The following PLCD4 variants were observed in gnomAD, a reference collection of about 807,000 sequenced individuals.
PLCD4 encodes phospholipase C delta 4.
A neutral mutation model predicts 90.2 loss-of-function variants in PLCD4; 63 were observed. The ratio of observed to expected loss-of-function variants is 0.70; its 90% CI spans 0.57 to 0.86. The LOEUF (loss-of-function observed/expected upper bound fraction) is 0.86, where lower values mean the gene tolerates loss of function less well. Among genes scored for constraint, PLCD4 ranks in the 40% least tolerant of loss-of-function variants. The pLI, the probability that PLCD4 is intolerant of heterozygous loss-of-function variation, is 0.00. For synonymous variants in PLCD4, 294 were observed against 356.5 expected (o/e 0.82, Z 1.97); for missense variants, 830 against 956.3 (o/e 0.87, Z 1.74).
chr2:218,633,305 A>G, intron 10 of PLCD4: 1 of 693,896 alleles, frequency 1.4e-6, no homozygotes, highest in Non-Finnish European at 2.6e-6. Context: ...AGGATATAAC[A>G]TAGAGCAAAC....
chr2:218,634,693 G>A lies in PLCD4; in HGVS notation c.1896+63G>A. On this transcript the variant is annotated intron_variant, in intron 13 of 15. Transcript: ENST00000450993. This position sits in a 1 kb window ranked among gnomAD's most constrained non-coding sequence, Gnocchi z 4.0. ...AACTGGGATAGAAGTGAGGGAAGAG[G>A]TGGCTAGGCCTGACCGGAATGTAGA... 6.4e-7 allele frequency: 1 copy of A among 1,572,672 alleles called. No homozygotes were observed. The highest frequency in any genetic ancestry group is 8.7e-7 in the Non-Finnish European group (1 of 1,151,312).
At chr2:218,612,309 A>G (rs1463753912) in intron 1 of PLCD4, among the ~76,000 whole-genome samples, 1 of 152,200 alleles carries the variant, frequency 6.6e-6, no homozygotes, top group Non-Finnish European at 1.5e-5. Context: ...TCTGGCTCTC[A>G]GGAAACACTT....
chr2:218,636,834 G>A lies in PLCD4; in HGVS notation c.*257G>A. 1.8e-6 allele frequency: 1 copy of A among 558,220 alleles called. No homozygotes were observed. The highest frequency in any genetic ancestry group is 3.4e-6 in the Non-Finnish European group (1 of 293,970). 34.6% of individuals were successfully genotyped at this position (558,220 alleles called of 1,614,324 possible). On this transcript the variant is annotated 3_prime_UTR_variant, in exon 16 of 16. Transcript: ENST00000450993. Reference sequence around the variant, plus strand: ...CTTTTCCTTTGTGTACTCTATACTGGAGTTCCCTTCTTCCTCTTGCTGTAG... The same window carrying A: ...CTTTTCCTTTGTGTACTCTATACTGAAGTTCCCTTCTTCCTCTTGCTGTAG...
intron 1 of PLCD4, among the ~76,000 whole-genome samples, chr2:218,614,317 C>A (rs1387852585): frequency 1.3e-5 from 2 of 152,136 alleles, no homozygotes; most frequent in East Asian, 3.9e-4. Flanking sequence ...CCGCGCCCAG[C>A]CTTTTGTATT....
intron 1 of PLCD4, among the ~76,000 whole-genome samples, chr2:218,611,492 C>G (rs1695330623): frequency 6.6e-6 from 1 of 152,066 alleles, no homozygotes; most frequent in Admixed American, 6.6e-5. Context: ...CCCTGTGTCC[C>G]AGAGGTGGGA....
intron 3 of PLCD4, among the ~76,000 whole-genome samples, 162 bp from the exon 4 acceptor site, chr2:218,618,417 G>T (rs1474458932): frequency 1.3e-5 from 2 of 152,222 alleles, no homozygotes; most frequent in African/African-American, 2.4e-5. Flanking sequence ...AATCCCTGGG[G>T]TCTGCATCTC....
At chr2:218,625,394 C>A (rs1270445628) in intron 6 of PLCD4, among the ~76,000 whole-genome samples, 1 of 152,100 alleles carries the variant, frequency 6.6e-6, no homozygotes, top group East Asian at 1.9e-4. Context: ...ACCCCGACCC[C>A]TCTTGGTGTT....
In PLCD4 at chr2:218,634,357, C is replaced by A; in HGVS notation, c.1724-101C>A. ...AAATGCTATCAGTGGATATTACCAG[C>A]AGGTACCGTGCACCCAGTACCTATC... On this transcript the variant is annotated intron_variant, in intron 12 of 15. Transcript: ENST00000450993. This position sits in a 1 kb window ranked among gnomAD's most constrained non-coding sequence, Gnocchi z 4.0. 1 of 1,563,020 alleles carries A rather than the reference C, an allele frequency of 6.4e-7. No individual in the cohort carries two copies. Among genetic ancestry groups the A allele is most frequent in the East Asian group, 2.2e-5 (1 of 44,520 alleles).
chr2:218,635,553 G>C (rs541783553), intron 13 of PLCD4, among the ~76,000 whole-genome samples: 1 of 152,264 alleles, frequency 6.6e-6, no homozygotes, highest in South Asian at 2.1e-4. Flanking sequence ...TGGCCAGGCT[G>C]GTCTCCTGGT....
chr2:218,629,633 C>T lies in PLCD4; in HGVS notation c.1089C>T (p.Val363=), dbSNP rs769295251. The T allele has an allele frequency of 2.6e-5, 42 of 1,613,544 alleles. No individual in the cohort carries two copies. Among genetic ancestry groups the T allele is most frequent in the Admixed American group, 6.7e-5 (4 of 59,976 alleles). Reference sequence around the variant, plus strand: ...CCTCCCGCATCCTGTTCAAAGATGTCGTGGCCACAGTAGCACAGTATGCCT... The same window carrying T: ...CCTCCCGCATCCTGTTCAAAGATGTTGTGGCCACAGTAGCACAGTATGCCT... ...TLTSRILFKD[V]VATVAQYAFQ... is the part of the protein sequence containing the mutation. The change falls in exon 8 of 16, where the codon GTC becomes GTT. Residue 363 remains valine, a synonymous_variant. Transcript: ENST00000450993.
Position 218,634,028 on chromosome 2 carries a change from A to G in PLCD4, c.1607-77A>G. 2 of 1,523,420 alleles carry G rather than the reference A, an allele frequency of 1.3e-6. No individual in the cohort carries two copies. Among genetic ancestry groups the G allele is most frequent in the Non-Finnish European group, 1.8e-6 (2 of 1,126,580 alleles). 94.4% of individuals were successfully genotyped at this position (1,523,420 alleles called of 1,614,324 possible). On this transcript the variant is annotated intron_variant, in intron 11 of 15. Transcript: ENST00000450993. The surrounding 1 kb of genome is among the most constrained non-coding windows in gnomAD (Gnocchi z 4.0). ...TCAGATGCTGGAGAGAAGGGTGAAG[A>G]GTAGGCATGGTCCTTGGGACTAGGG...
chr2:218,620,437 G>T (rs879581854), intron 4 of PLCD4, among the ~76,000 whole-genome samples: 1 of 151,466 alleles, frequency 6.6e-6, no homozygotes, highest in Non-Finnish European at 1.5e-5. Context: ...ACCGGAAAAG[G>T]TTGCAGGGAG....
chr2:218,633,651 A>G lies in PLCD4; in HGVS notation c.1496A>G (p.Tyr499Cys), dbSNP rs569543339. Residue 499 changes from tyrosine to cysteine, a missense_variant, in exon 11 of 16, where the codon TAC becomes TGC. Coordinates refer to ENST00000450993, the MANE Select transcript of PLCD4 (RefSeq NM_032726.4). ...LCPALSSLVI[Y>C]LKSVSFRSFT... ...CCAGCCCTCTCTTCCCTGGTTATCTACTTGAAGTCTGTCTCATTCCGCAGC... is the reference window on the plus strand; with the variant it reads ...CCAGCCCTCTCTTCCCTGGTTATCTGCTTGAAGTCTGTCTCATTCCGCAGC... 104 of 1,613,206 alleles carry G rather than the reference A, an allele frequency of 6.4e-5. 1 individual carries two copies. The South Asian group carries it at 1.0e-3, about 16-fold the overall frequency.
At position 218,634,325 on chromosome 2, in the gene PLCD4, G is replaced by A. The variant is rs1157931873; in HGVS notation, c.1723+104G>A. 5 of 1,573,396 alleles carry A rather than the reference G, an allele frequency of 3.2e-6. No individual in the cohort carries two copies. The highest frequency in any genetic ancestry group is 4.3e-6 in the Non-Finnish European group (5 of 1,158,956). ...TGGGGAATGCTCAAGAAAATTGCTA[G>A]GCTGAGAAATGCTATCAGTGGATAT... is the stretch of plus-strand genomic sequence containing the variant. On this transcript the variant is annotated intron_variant, in intron 12 of 15. Transcript: ENST00000450993. The surrounding 1 kb of genome is among the most constrained non-coding windows in gnomAD (Gnocchi z 4.0).
chr2:218,635,080 TG>T (rs1696641325), intron 13 of PLCD4, among the ~76,000 whole-genome samples: 1 of 151,860 alleles, frequency 6.6e-6, no homozygotes, highest in Non-Finnish European at 1.5e-5. Context: ...TTAAAAATTT[TG>T]TAGAGACTCC....
chr2:218,636,454 C>T lies in PLCD4; in HGVS notation c.2183-17C>T, dbSNP rs780056313. On this transcript the variant is annotated splice_polypyrimidine_tract_variant and intron_variant, in intron 15 of 15. Transcript: ENST00000450993. ...GCTCTGGCTGCCTTCCTAATGCTGT[C>T]CTCCTGCCCCTTCCAGGTTACCGCC... is the stretch of plus-strand genomic sequence containing the variant. 6.2e-7 allele frequency: 1 copy of T among 1,614,030 alleles called. No homozygotes were observed. Among genetic ancestry groups the T allele is most frequent in the South Asian group, 1.1e-5 (1 of 91,080 alleles).
intron 11 of PLCD4, 152 bp from the exon 12 acceptor site, chr2:218,633,953 G>C (rs1696548681): frequency 8.1e-7 from 1 of 1,237,244 alleles, no homozygotes; most frequent in Non-Finnish European, 1.1e-6. Flanking sequence ...AGGAAAGCTG[G>C]TCTGGATGGA....
At position 218,610,734 on chromosome 2, in the gene PLCD4, T is replaced by G. The variant is rs201294963; in HGVS notation, c.-34+2664T>G. ...ATGGAGACCTGGGTTCTTTTTTTTT[T>G]CCTCCTGCCCAAGACAGAGTTTTGC... is the stretch of plus-strand genomic sequence containing the variant. On this transcript the variant is annotated intron_variant, in intron 1 of 15. Coordinates refer to ENST00000450993, the MANE Select transcript of PLCD4 (RefSeq NM_032726.4). Among the ~76,000 whole-genome samples, 33 of 151,954 alleles carry G rather than the reference T, an allele frequency of 2.2e-4. No individual in the cohort carries two copies. The South Asian group carries it at 6.9e-3, about 32-fold the overall frequency.
rs1385955769 is a variant in PLCD4 at position 218,636,856 on chromosome 2, G to A, written c.*279G>A. On this transcript the variant is annotated 3_prime_UTR_variant, in exon 16 of 16. Transcript: ENST00000450993. ...CTGGAGTTCCCTTCTTCCTCTTGCTGTAGGCTCAATCCCATACCGACATCT... is the reference window on the plus strand; with the variant it reads ...CTGGAGTTCCCTTCTTCCTCTTGCTATAGGCTCAATCCCATACCGACATCT... The A allele has an allele frequency of 1.9e-6, 1 of 520,024 alleles. No individual in the cohort carries two copies. Among genetic ancestry groups the A allele is most frequent in the Non-Finnish European group, 3.7e-6 (1 of 269,704 alleles). 32.2% of individuals were successfully genotyped at this position (520,024 alleles called of 1,614,324 possible).
Sources: allele counts gnomAD v4.1 joint callset (sites outside exome capture counted in the v4.1 genomes callset), GRCh38; gene constraint gnomAD v4.1.1; non-coding constraint Gnocchi (gnomAD v3.1); transcripts MANE v1.5; gene names NCBI Gene and HGNC (gene_info 2026-07-23, HGNC 2026-07-21).